CLIP3: variants seen among roughly 807,000 people sequenced by gnomAD.
CLIP3 encodes CAP-Gly domain containing linker protein 3.
A neutral mutation model predicts 59.4 loss-of-function variants in CLIP3; 15 were observed. The observed-to-expected ratio is 0.25, with a 90% confidence interval of 0.17 to 0.39. CLIP3 has a LOEUF of 0.39. Ranked by LOEUF, CLIP3 falls within the 10% of genes least tolerant of loss-of-function variation. The pLI is 1.00. For missense variants in CLIP3, 495 were observed against 765.7 expected (o/e 0.65, Z 4.17); for synonymous variants, 300 against 321.6 (o/e 0.93, Z 0.72).
Position 36,027,046 on chromosome 19 carries a change from C to A in CLIP3, c.307-1G>T, listed in dbSNP as rs1430647667. The A allele has an allele frequency of 6.2e-7, 1 of 1,601,592 alleles. No homozygotes were observed. Among genetic ancestry groups the A allele is most frequent in the Non-Finnish European group, 8.5e-7 (1 of 1,175,938 alleles). Reference sequence around the variant, plus strand: ...TCACATGGCAGCCTCGGCGCAGAATCTGTGAGTACCAGGGGAGCAGGGAGG... The same window carrying A: ...TCACATGGCAGCCTCGGCGCAGAATATGTGAGTACCAGGGGAGCAGGGAGG... On this transcript the variant is annotated splice_acceptor_variant, in intron 3 of 13. Transcript: ENST00000360535. LOFTEE classifies it high-confidence loss of function.
Position 36,016,283 on chromosome 19 carries a change from C to T in CLIP3, c.1590-71G>A. 6.4e-7 allele frequency: 1 copy of T among 1,565,082 alleles called. No homozygotes were observed. Among genetic ancestry groups the T allele is most frequent in the East Asian group, 2.3e-5 (1 of 44,336 alleles). ...GACATCTGCACCCATCACCCCCAGC[C>T]TTTCCCCCAGTGTTTGCTATCAGGC... is the stretch of plus-strand genomic sequence containing the variant. On this transcript the variant is annotated intron_variant, in intron 13 of 13. Transcript: ENST00000360535. The surrounding 1 kb of genome is among the most constrained non-coding windows in gnomAD (Gnocchi z 4.1).
rs1188306227 is a variant in CLIP3, at chr19:36,017,713, G to A, written c.1393C>T (p.Arg465Trp). ...GKHDGSVFGV[R>W]YFTCPPRHGV... Reference sequence around the variant, plus strand: ...TGCCTCGGGGGGCAAGTGAAGTACCGGACACCGAAGACAGAGCCATCATGC... The same window carrying A: ...TGCCTCGGGGGGCAAGTGAAGTACCAGACACCGAAGACAGAGCCATCATGC... The change falls in exon 11 of 14, where the codon CGG (arginine) becomes TGG (tryptophan). Residue 465 changes from arginine to tryptophan, a missense_variant. This residue lies in a region of CLIP3 where 179 missense variants were observed against 226.2 expected (regional missense o/e 0.79). Transcript: ENST00000360535. The A allele has an allele frequency of 3.1e-6, 5 of 1,613,990 alleles. No homozygotes were observed. In the South Asian group the frequency reaches 3.3e-5, roughly 11 times the overall value.
At chr19:36,023,350 T>G (rs1316869231) in intron 7 of CLIP3, among the ~76,000 whole-genome samples, 1 of 152,162 alleles carries the variant, frequency 6.6e-6, no homozygotes, top group Admixed American at 6.5e-5. Flanking sequence ...TCGTCAACAC[T>G]GCCCCTTCCT....
In CLIP3 at chr19:36,016,496, T is replaced by C. The variant is rs1182948130; in HGVS notation, c.1590-284A>G. On this transcript the variant is annotated intron_variant, in intron 13 of 13. Transcript: ENST00000360535. This position sits in a 1 kb window ranked among gnomAD's most constrained non-coding sequence, Gnocchi z 4.1. The stretch of plus-strand genomic sequence containing the variant: ...CCGAGTAGCTGGGACTACAGGTGTA[T>C]GCCATTGTGTCCGGCTAACTTTTGT... Among the ~76,000 whole-genome samples the C allele has an allele frequency of 3.9e-5, 6 of 152,200 alleles. No individual in the cohort carries two copies. Among genetic ancestry groups the C allele is most frequent in the African/African-American group, 7.2e-5 (3 of 41,448 alleles).
At chr19:36,018,774 G>T in intron 9 of CLIP3, 124 bp downstream of exon 9, 1 of 1,308,368 alleles carries the variant, frequency 7.6e-7, no homozygotes, top group Admixed American at 2.2e-5. Context: ...CAGAAGTCAG[G>T]AACTCAGAGC....
Position 36,026,860 on chromosome 19 carries a change from C to T in CLIP3, c.400+92G>A, listed in dbSNP as rs1969127990. On this transcript the variant is annotated intron_variant, in intron 4 of 13. Transcript: ENST00000360535. The surrounding 1 kb of genome is among the most constrained non-coding windows in gnomAD (Gnocchi z 6.3). ...CTTTGGGATCCGAAGCTTCGGGTTCCAGATGGGGCCTGAGTTCTGGGTGGT... is the reference window on the plus strand; with the variant it reads ...CTTTGGGATCCGAAGCTTCGGGTTCTAGATGGGGCCTGAGTTCTGGGTGGT... 3.3e-6 allele frequency: 5 copies of T among 1,529,630 alleles called. No individual in the cohort carries two copies. The East Asian group carries it at 1.1e-4, about 35-fold the overall frequency. 94.8% of individuals were successfully genotyped at this position (1,529,630 alleles called of 1,614,324 possible).
Position 36,024,572 on chromosome 19 carries a change from T to C in CLIP3, c.742A>G (p.Lys248Glu). 6.2e-7 allele frequency: 1 copy of C among 1,614,244 alleles called. No individual in the cohort carries two copies. Among genetic ancestry groups the C allele is most frequent in the Non-Finnish European group, 8.5e-7 (1 of 1,180,040 alleles). Residue 248 changes from lysine (K) to glutamate (E), a missense_variant, in exon 7 of 14, where the codon AAG becomes GAG. Lys to Glu is a moderately conservative substitution (Grantham distance 56). Coordinates refer to ENST00000360535, the MANE Select transcript of CLIP3 (RefSeq NM_015526.3). ...VPDPMDMSLD[K>E]AEAALVAKEL... ...TTGGCCACCAGTGCCGCCTCTGCCT[T>C]GTCCAGGGACATGTCCATAGGATCT...
Position 36,016,347 on chromosome 19 carries a change from G to T in CLIP3, c.1590-135C>A, listed in dbSNP as rs887180710. 3 of 990,584 alleles carry T rather than the reference G, an allele frequency of 3.0e-6. No individual in the cohort carries two copies. The highest frequency in any genetic ancestry group is 2.0e-5 in the Admixed American group (1 of 49,368). The allele number at this position is 990,584 out of a possible 1,614,324, so 61.4% of individuals were successfully genotyped here. A position where few individuals can be genotyped will look rare whatever the true frequency, so the allele number is the denominator to read the frequency against. ...GCCTCTACCTCTCTGGCTGTGGTTT[G>T]TTTGTTTGTTTGTTTTCTGAGATGG... On this transcript the variant is annotated intron_variant, in intron 13 of 13. Coordinates refer to ENST00000360535, the MANE Select transcript of CLIP3 (RefSeq NM_015526.3). This position sits in a 1 kb window ranked among gnomAD's most constrained non-coding sequence, Gnocchi z 4.1.
At chr19:36,031,000 TTTC>T (rs1969240879) in intron 2 of CLIP3, among the ~76,000 whole-genome samples, 1 of 102,668 alleles carries the variant, frequency 9.7e-6, no homozygotes, top group East Asian at 2.3e-4. Context: ...TTTTTCTTTT[TTTC>T]TTTTCTTTTT....
chr19:36,032,310 C>G lies in CLIP3; in HGVS notation c.48G>C (p.Glu16Asp). ...CATCCTCCTCCTCCTCTTCTTCCTC[C>G]TCTCCTCGGGGTGGCGGGGCCATCG... ...PAPMAPPPRG[E>D]EEEEEEEDEP... is the part of the protein sequence containing the mutation. Residue 16 changes from glutamate to aspartate, a missense_variant, in exon 2 of 14, where the codon GAG becomes GAC. This residue lies in a region of CLIP3 where 90 missense variants were observed against 105.2 expected (regional missense o/e 0.86). Transcript: ENST00000360535. This position sits in a 1 kb window ranked among gnomAD's most constrained non-coding sequence, Gnocchi z 4.3. 7.8e-7 allele frequency: 1 copy of G among 1,281,990 alleles called. No individual in the cohort carries two copies. The highest frequency in any genetic ancestry group is 9.9e-7 in the Non-Finnish European group (1 of 1,006,968). 79.4% of individuals were successfully genotyped at this position (1,281,990 alleles called of 1,614,324 possible). A position where few individuals can be genotyped will look rare whatever the true frequency, so the allele number is the denominator to read the frequency against.
In CLIP3 at chr19:36,026,692, A is replaced by G; in HGVS notation, c.456T>C (p.Asp152=). ...TGGTCCAGCGGCTGCGCAGCGTCACATCTGCGCCCAGCGCCAGCAGCTGCT... is the reference window on the plus strand; with the variant it reads ...TGGTCCAGCGGCTGCGCAGCGTCACGTCTGCGCCCAGCGCCAGCAGCTGCT... ...LSQQLLALGA[D]VTLRSRWTNM... Residue 152 remains aspartate (D), a synonymous_variant, in exon 5 of 14, where the codon GAT becomes GAC. Transcript: ENST00000360535. This position sits in a 1 kb window ranked among gnomAD's most constrained non-coding sequence, Gnocchi z 6.3. The G allele has an allele frequency of 6.2e-7, 1 of 1,608,388 alleles. No homozygotes were observed. The highest frequency in any genetic ancestry group is 8.5e-7 in the Non-Finnish European group (1 of 1,178,534).
intron 7 of CLIP3, 93 bp from the exon 8 acceptor site, chr19:36,019,399 G>C (rs1246895495): frequency 6.8e-7 from 1 of 1,473,132 alleles, no homozygotes; most frequent in East Asian, 2.5e-5. Context: ...GTTGCATGAG[G>C]CCGCCCTGGG....
At position 36,015,948 on chromosome 19, in the gene CLIP3, A is replaced by G. The variant is rs1364667989; in HGVS notation, c.*210T>C. On this transcript the variant is annotated 3_prime_UTR_variant, in exon 14 of 14. Transcript: ENST00000360535. ...ACTAGCCTGAAGGTGCTACTCAGGGAATCTCTTTCTGGGTGACATGGGGTC... is the reference window on the plus strand; with the variant it reads ...ACTAGCCTGAAGGTGCTACTCAGGGGATCTCTTTCTGGGTGACATGGGGTC... The G allele has an allele frequency of 3.3e-6, 2 of 608,892 alleles. No homozygotes were observed. The highest frequency in any genetic ancestry group is 5.6e-5 in the East Asian group (2 of 35,984). 37.7% of individuals were successfully genotyped at this position (608,892 alleles called of 1,614,324 possible). A position where few individuals can be genotyped will look rare whatever the true frequency, so the allele number is the denominator to read the frequency against.
chr19:36,017,911 C>A lies in CLIP3; in HGVS notation c.1264G>T (p.Val422Phe). 2.5e-6 allele frequency: 4 copies of A among 1,614,104 alleles called. No individual in the cohort carries two copies. The highest frequency in any genetic ancestry group is 3.4e-6 in the Non-Finnish European group (4 of 1,180,014). ...DGAKAEVGDQ[V>F]LVAGQKQGIV... ...CCCTGCTTCTGGCCCGCGACAAGGA[C>A]CTGGTCTCCAACCTCAGCCTTGGCC... Residue 422 changes from valine to phenylalanine, a missense_variant, in exon 10 of 14, where the codon GTC becomes TTC. Val to Phe is a conservative substitution (Grantham distance 50, BLOSUM62 -1). Transcript: ENST00000360535.
Position 36,027,119 on chromosome 19 carries a change from C to T in CLIP3, c.306+13G>A. ...CGCATCCCCTCTCCCCCTGGTTTCC[C>T]CAGTGTTCTCACCTCATTGCCGATG... is the stretch of plus-strand genomic sequence containing the variant. On this transcript the variant is annotated intron_variant, in intron 3 of 13. Coordinates refer to ENST00000360535, the MANE Select transcript of CLIP3 (RefSeq NM_015526.3). 6.3e-7 allele frequency: 1 copy of T among 1,596,682 alleles called. No individual in the cohort carries two copies. The highest frequency in any genetic ancestry group is 2.2e-5 in the East Asian group (1 of 44,736).
chr19:36,025,484 G>C (rs925866645), intron 6 of CLIP3, among the ~76,000 whole-genome samples: 3 of 151,890 alleles, frequency 2.0e-5, no homozygotes, highest in African/African-American at 7.3e-5. Context: ...CTACCTACTC[G>C]GGAGGCTGAG....
At chr19:36,030,576 C>G (rs1969228439) in intron 2 of CLIP3, among the ~76,000 whole-genome samples, 1 of 152,170 alleles carries the variant, frequency 6.6e-6, no homozygotes, top group South Asian at 2.1e-4. Flanking sequence ...CCCTTCTACC[C>G]AGTACCCAGA....
rs1346651744 is a variant in CLIP3 at position 36,017,671 on chromosome 19, C to G, written c.1435G>C (p.Ala479Pro). Residue 479 changes from alanine (A) to proline (P), a missense_variant, in exon 11 of 14, where the codon GCA (alanine) becomes CCA (proline). Physicochemically the swap from Ala to Pro is conservative, Grantham distance 27. This residue lies in a region of CLIP3 where 179 missense variants were observed against 226.2 expected (regional missense o/e 0.79). Coordinates refer to ENST00000360535, the MANE Select transcript of CLIP3 (RefSeq NM_015526.3). Reference protein sequence around the residue: ...CPPRHGVFAPASRIQRIGGST... With the variant: ...CPPRHGVFAPPSRIQRIGGST... ...TGGGCTCACCTCTGAATACGGGATG[C>G]TGGTGCGAAGACCCCATGCCTCGGG... 4 of 1,614,048 alleles carry G rather than the reference C, an allele frequency of 2.5e-6. No homozygotes were observed. The South Asian group carries it at 3.3e-5, about 13-fold the overall frequency.
intron 2 of CLIP3, among the ~76,000 whole-genome samples, chr19:36,031,023 C>CTTTTTTTTTTTTTT (rs55762943): frequency 1.1e-4 from 9 of 80,174 alleles, no homozygotes; most frequent in South Asian, 4.2e-4. Context: ...TTTTTTTTTT[C>CTTTTTTTTTTTTTT]TTTTTTTTTT....
Sources: allele counts gnomAD v4.1 joint callset (sites outside exome capture counted in the v4.1 genomes callset), GRCh38; gene constraint gnomAD v4.1.1; regional missense constraint gnomAD v4.1.1; non-coding constraint Gnocchi (gnomAD v3.1); transcripts MANE v1.5; gene names NCBI Gene and HGNC (gene_info 2026-07-23, HGNC 2026-07-21).